DLG2: variants seen among roughly 807,000 people sequenced by gnomAD.
The protein encoded by DLG2 is disks large homolog 2.
Under a neutral mutation model 132.5 loss-of-function variants are expected in DLG2, and 45 were observed. The observed-to-expected ratio is 0.34, with a 90% CI of 0.27 to 0.44. The LOEUF is 0.44. DLG2 is among the 20% of genes least tolerant of loss of function. The probability of loss-of-function intolerance (pLI) is 1.00; values close to 1 mark genes in which losing one functional copy is unlikely to be tolerated. For synonymous variants in DLG2, 424 were observed against 419.6 expected, an observed-to-expected ratio of 1.01 and a Z score of -0.13; for missense variants, 1,045 against 1,196.9, an observed-to-expected ratio of 0.87 and a Z score of 1.87.
intron 7 of DLG2, among the ~76,000 whole-genome samples, chr11:84,500,589 C>A (rs761712443): frequency 3.9e-5 from 6 of 152,164 alleles, no homozygotes; most frequent in Non-Finnish European, 7.3e-5. Context: ...ATCTAGCTTT[C>A]GTCACCTAAA....
In DLG2 at chr11:84,373,719, C is replaced by T. The variant is rs546459924; in HGVS notation, c.520-122428G>A. ...TCACATTGTTGAAACATCAAAGATC[C>T]TTATTTTTAACTTTTAGTTTCTAGG... On this transcript the variant is annotated intron_variant, in intron 7 of 27. Transcript: ENST00000376104. 7.2e-5 allele frequency among the ~76,000 whole-genome samples: 11 copies of T among 152,194 alleles called. No homozygotes were observed. In the South Asian group the frequency reaches 1.7e-3, roughly 23 times the overall value.
intron 17 of DLG2, chr11:83,790,994 A>G: frequency 1.2e-6 from 1 of 805,962 alleles, no homozygotes; most frequent in East Asian, 2.4e-5. Context: ...CGTTCTGAGA[A>G]GCCGAGCTTT....
chr11:84,378,927 A>C (rs1475333997), intron 7 of DLG2, among the ~76,000 whole-genome samples: 6 of 152,102 alleles, frequency 3.9e-5, no homozygotes, highest in Non-Finnish European at 1.5e-5. Context: ...GCCTGGCAAC[A>C]GAGGAAGACT....
rs1461200335 is a variant in DLG2, at chr11:85,501,485, C to G, written c.40+97172G>C. Reference sequence around the variant, plus strand: ...ACTATCATCAGAGTGAACAGGCAACCTACAGAACGGGAGAAAATTTTTGCA... The same window carrying G: ...ACTATCATCAGAGTGAACAGGCAACGTACAGAACGGGAGAAAATTTTTGCA... On this transcript the variant is annotated intron_variant, in intron 3 of 27. Coordinates refer to ENST00000376104, the MANE Select transcript of DLG2 (RefSeq NM_001142699.3). 2.0e-5 allele frequency among the ~76,000 whole-genome samples: 3 copies of G among 152,242 alleles called. No individual in the cohort carries two copies. The East Asian group carries it at 5.8e-4, about 29-fold the overall frequency.
chr11:84,145,932 C>A (rs1273917078), intron 9 of DLG2, among the ~76,000 whole-genome samples: 1 of 152,156 alleles, frequency 6.6e-6, no homozygotes. Context: ...ATTAATGCCC[C>A]TCCGAATGTC....
intron 6 of DLG2, among the ~76,000 whole-genome samples, chr11:85,095,592 AC>A (rs1421895854): frequency 6.6e-6 from 1 of 152,188 alleles, no homozygotes; most frequent in Non-Finnish European, 1.5e-5. Flanking sequence ...ATTAGCTGGT[AC>A]CAGCTCCTAT....
At chr11:85,245,854 C>T (rs908949545) in intron 4 of DLG2, among the ~76,000 whole-genome samples, 1 of 151,922 alleles carries the variant, frequency 6.6e-6, no homozygotes, top group Admixed American at 6.6e-5. Context: ...GCATAAGGCA[C>T]ATTTTGTTGG....
At chr11:85,460,215 G>C (rs560583145) in intron 3 of DLG2, among the ~76,000 whole-genome samples, 1 of 152,276 alleles carries the variant, frequency 6.6e-6, no homozygotes, top group African/African-American at 2.4e-5. Flanking sequence ...GGAATGAAGG[G>C]AGCCCGACCT....
rs115858553 is a variant in DLG2 at position 85,578,211 on chromosome 11, C to A, written c.40+20446G>T. Among the ~76,000 whole-genome samples, 1,162 of 152,152 alleles carry A rather than the reference C, an allele frequency of 7.6e-3. 16 individuals carry two copies. The highest frequency in any genetic ancestry group is 0.027 in the African/African-American group (1,130 of 41,520). ...ATATGCAGAAGACTAAAACCAAACC[C>A]CCTACTTATACTATATACAAAAATT... On this transcript the variant is annotated intron_variant, in intron 3 of 27. Coordinates refer to ENST00000376104, the MANE Select transcript of DLG2 (RefSeq NM_001142699.3).
At chr11:83,640,805 T>C (rs2066284723) in intron 18 of DLG2, among the ~76,000 whole-genome samples, 1 of 152,198 alleles carries the variant, frequency 6.6e-6, no homozygotes, top group South Asian at 2.1e-4. Flanking sequence ...AAGACGCTAA[T>C]ACAGTCAGTT....
chr11:84,818,104 T>C (rs1194239485), intron 6 of DLG2, among the ~76,000 whole-genome samples: 1 of 152,056 alleles, frequency 6.6e-6, no homozygotes, highest in East Asian at 1.9e-4. Context: ...GAAATATTTC[T>C]ATACTATTTC....
intron 3 of DLG2, among the ~76,000 whole-genome samples, chr11:85,337,197 T>C (rs2082192688): frequency 6.6e-6 from 1 of 152,224 alleles, no homozygotes; most frequent in Admixed American, 6.5e-5. Flanking sequence ...CCAAATATAA[T>C]TAAAATATAT....
At chr11:85,607,433 A>C (rs1319999533) in intron 2 of DLG2, among the ~76,000 whole-genome samples, 1 of 152,206 alleles carries the variant, frequency 6.6e-6, no homozygotes, top group Non-Finnish European at 1.5e-5. Flanking sequence ...TCGCCCAAGC[A>C]AGACTCATCC....
At chr11:84,945,525 A>C (rs1354725933) in intron 6 of DLG2, among the ~76,000 whole-genome samples, 1 of 152,330 alleles carries the variant, frequency 6.6e-6, no homozygotes, top group South Asian at 2.1e-4. Flanking sequence ...CCAGCATGGC[A>C]CTGGGTCTCG....
intron 19 of DLG2, among the ~76,000 whole-genome samples, chr11:83,589,596 C>A (rs1218480830): frequency 4.1e-5 from 6 of 144,912 alleles, no homozygotes; most frequent in African/African-American, 1.3e-4. Context: ...CGAGCAAAAT[C>A]ACCAGCTAAC....
At chr11:84,286,390 G>T (rs749594893) in intron 7 of DLG2, among the ~76,000 whole-genome samples, 1 of 152,134 alleles carries the variant, frequency 6.6e-6, no homozygotes, top group African/African-American at 2.4e-5. Context: ...GAGTAAATTT[G>T]CTTTCATCAT....
intron 16 of DLG2, among the ~76,000 whole-genome samples, chr11:83,837,723 C>CAAAAAAAAAAAAAAAAAA (rs386374350): frequency 0.012 from 544 of 45,628 alleles, 3 homozygotes; most frequent in Middle Eastern, 0.033. Context: ...ACATAGCAAG[C>CAAAAAAAAAAAAAAAAAA]AAAAAAAAAA....
chr11:83,721,752 C>T lies in DLG2; in HGVS notation c.1825+64938G>A, dbSNP rs73509282. Among the ~76,000 whole-genome samples, 414 of 152,274 alleles carry T rather than the reference C, an allele frequency of 2.7e-3. 1 individual carries two copies. Among genetic ancestry groups the T allele is most frequent in the African/African-American group, 9.3e-3 (385 of 41,542 alleles). ...GACTATGGGAATGTCGACCTCAACG[C>T]TCATTGAGAAATTCCACATATGCAG... On this transcript the variant is annotated intron_variant, in intron 18 of 27. Transcript: ENST00000376104.
At chr11:84,703,857 G>GATATATAGATATATATAT (rs2059456827) in intron 6 of DLG2, among the ~76,000 whole-genome samples, 1 of 102,714 alleles carries the variant, frequency 9.7e-6, no homozygotes, top group Non-Finnish European at 1.9e-5. Flanking sequence ...ATGTAGTGAA[G>GATATATAGATATATATAT]ATATATATAT....
Sources: gnomAD v4.1 joint callset for allele counts (sites outside exome capture counted in the v4.1 genomes callset) on GRCh38, gnomAD v4.1.1 for gene constraint, MANE v1.5 for transcripts, NCBI Gene and HGNC (gene_info 2026-07-23, HGNC 2026-07-21) for gene names.